Variants in ADAM29 observed in about 807,000 individuals in gnomAD.
ADAM29 encodes ADAM metallopeptidase domain 29, also known as disintegrin and metalloproteinase domain-containing protein 29.
For missense variants in ADAM29, 969 were observed against 1,001.8 expected (o/e 0.97, Z 0.44); for synonymous variants, 367 against 342.3 (o/e 1.07, Z -0.80).
intron 4 of ADAM29, among the ~76,000 whole-genome samples, chr4:174,960,727 C>T (rs1343117427): frequency 6.6e-6 from 1 of 152,112 alleles, no homozygotes; most frequent in African/African-American, 2.4e-5. Flanking sequence ...TAAGTGTAAA[C>T]ATATTTGTTA....
Position 174,978,166 on chromosome 4 carries a change from A to T in ADAM29, c.*178A>T, listed in dbSNP as rs1415262356. 2 of 1,019,392 alleles carry T rather than the reference A, an allele frequency of 2.0e-6. No individual in the cohort carries two copies. Among genetic ancestry groups the T allele is most frequent in the East Asian group, 4.9e-5 (2 of 40,946 alleles). 63.1% of individuals were successfully genotyped at this position (1,019,392 alleles called of 1,614,324 possible). On this transcript the variant is annotated 3_prime_UTR_variant, in exon 5 of 5. Transcript: ENST00000359240. Reference sequence around the variant, plus strand: ...TGTATCCAGAAAAGGTACATTAAAAAAATAATTCCTAGTATGTTTCTACTT... The same window carrying T: ...TGTATCCAGAAAAGGTACATTAAAATAATAATTCCTAGTATGTTTCTACTT...
intron 2 of ADAM29, among the ~76,000 whole-genome samples, chr4:174,923,314 C>CA (rs1170450064): frequency 6.6e-6 from 1 of 151,780 alleles, no homozygotes; most frequent in Non-Finnish European, 1.5e-5. Context: ...CTCGGACTCC[C>CA]AAAGTGCTGG....
chr4:174,971,284 A>C (rs1399158258), intron 4 of ADAM29, among the ~76,000 whole-genome samples: 1 of 152,152 alleles, frequency 6.6e-6, no homozygotes, highest in Non-Finnish European at 1.5e-5. Flanking sequence ...ATCTGTCCCT[A>C]TACTTACCTT....
At chr4:174,922,773 C>T (rs1743238678) in intron 2 of ADAM29, among the ~76,000 whole-genome samples, 1 of 151,948 alleles carries the variant, frequency 6.6e-6, no homozygotes, top group African/African-American at 2.4e-5. Flanking sequence ...CCCACTATCA[C>T]ATTCTTGTGA....
intron 4 of ADAM29, among the ~76,000 whole-genome samples, chr4:174,952,003 G>C (rs1745205327): frequency 6.6e-6 from 1 of 152,046 alleles, no homozygotes; most frequent in African/African-American, 2.4e-5. Flanking sequence ...ATTCCCAAGA[G>C]AGTAGATTTT....
chr4:174,947,217 T>G (rs1744905621), intron 4 of ADAM29, among the ~76,000 whole-genome samples: 1 of 152,108 alleles, frequency 6.6e-6, no homozygotes, highest in African/African-American at 2.4e-5. Context: ...TTTGTTGATC[T>G]TTTTATGGTT....
At chr4:174,939,423 A>T (rs1375830802) in intron 4 of ADAM29, among the ~76,000 whole-genome samples, 1 of 152,184 alleles carries the variant, frequency 6.6e-6, no homozygotes, top group Non-Finnish European at 1.5e-5. Context: ...TGAAAATAGG[A>T]CAGAAAAATG....
chr4:174,929,758 T>C (rs1426886627), intron 2 of ADAM29, among the ~76,000 whole-genome samples: 18 of 149,708 alleles, frequency 1.2e-4, no homozygotes, highest in African/African-American at 2.0e-4. Flanking sequence ...TCTCTCTCTT[T>C]TTTTTTTTTT....
At chr4:174,929,143 T>G (rs992493974) in intron 2 of ADAM29, among the ~76,000 whole-genome samples, 1 of 152,176 alleles carries the variant, frequency 6.6e-6, no homozygotes, top group African/African-American at 2.4e-5. Context: ...CTGTAAAATA[T>G]CCTCTCCTCT....
At chr4:174,922,142 A>G (rs2110890493) in intron 2 of ADAM29, among the ~76,000 whole-genome samples, 1 of 152,328 alleles carries the variant, frequency 6.6e-6, no homozygotes, top group South Asian at 2.1e-4. Context: ...ATAAAATTCA[A>G]ATAAAGGTCT....
rs147323961 is a variant in ADAM29 at position 174,963,661 on chromosome 4, C to T, written c.-180-11685C>T. Among the ~76,000 whole-genome samples the T allele has an allele frequency of 3.0e-3, 437 of 147,622 alleles. 2 individuals are homozygous for T. The highest frequency in any genetic ancestry group is 9.9e-3 in the African/African-American group (396 of 40,056). ...TCACTGACAGAAACAGAATGAAAAACTTGAAGGACAAATAGTAAAGGTTTT... is the reference window on the plus strand; with the variant it reads ...TCACTGACAGAAACAGAATGAAAAATTTGAAGGACAAATAGTAAAGGTTTT... On this transcript the variant is annotated intron_variant, in intron 4 of 4. Transcript: ENST00000359240.
chr4:174,936,419 T>G (rs1037519859), intron 3 of ADAM29, among the ~76,000 whole-genome samples: 4 of 151,982 alleles, frequency 2.6e-5, no homozygotes, highest in Non-Finnish European at 5.9e-5. Context: ...TGGAACAACA[T>G]TTTACGAAGT....
intron 4 of ADAM29, among the ~76,000 whole-genome samples, chr4:174,956,450 T>A (rs983309123): frequency 3.3e-5 from 5 of 151,576 alleles, no homozygotes; most frequent in Non-Finnish European, 5.9e-5. Context: ...CATATCTATA[T>A]CTTCAAATTC....
intron 2 of ADAM29, among the ~76,000 whole-genome samples, chr4:174,930,658 G>A (rs186958282): frequency 1.9e-3 from 295 of 151,880 alleles, no homozygotes; most frequent in African/African-American, 6.9e-3. Flanking sequence ...TTCACAAATG[G>A]CCAACTCTTT....
At chr4:174,953,183 G>A (rs1483897142) in intron 4 of ADAM29, among the ~76,000 whole-genome samples, 3 of 152,132 alleles carry the variant, frequency 2.0e-5, no homozygotes, top group Non-Finnish European at 2.9e-5. Context: ...CTACTTGGGA[G>A]GCTGAGGCAG....
At chr4:174,965,535 A>G (rs1746110421) in intron 4 of ADAM29, among the ~76,000 whole-genome samples, 2 of 151,036 alleles carry the variant, frequency 1.3e-5, no homozygotes, top group Admixed American at 1.3e-4. Context: ...TCTATCATCT[A>G]TTTACTTACC....
At chr4:174,945,469 A>G (rs1275872682) in intron 4 of ADAM29, among the ~76,000 whole-genome samples, 2 of 152,100 alleles carry the variant, frequency 1.3e-5, no homozygotes, top group African/African-American at 4.8e-5. Context: ...CTTTGTTGAT[A>G]GTTTCTTGTG....
chr4:174,958,273 C>T (rs1304922954), intron 4 of ADAM29, among the ~76,000 whole-genome samples: 1 of 151,644 alleles, frequency 6.6e-6, no homozygotes, highest in Non-Finnish European at 1.5e-5. Context: ...ACTATAATAG[C>T]AAATTTGTGT....
intron 4 of ADAM29, among the ~76,000 whole-genome samples, chr4:174,960,780 A>T (rs1479393808): frequency 6.6e-6 from 1 of 152,190 alleles, no homozygotes; most frequent in Non-Finnish European, 1.5e-5. Flanking sequence ...TAACTTCCTG[A>T]ACTAGGTCTC....
Sources: gnomAD v4.1 joint callset for allele counts (sites outside exome capture counted in the v4.1 genomes callset) on GRCh38, gnomAD v4.1.1 for gene constraint, MANE v1.5 for transcripts, NCBI Gene and HGNC (gene_info 2026-07-23, HGNC 2026-07-21) for gene names.